The following STIM1 variants were observed in gnomAD, a reference collection of about 807,000 sequenced individuals.
STIM1 encodes stromal interaction molecule 1.
STIM1 carries 25 observed loss-of-function variants against 74.7 expected under a neutral mutation model. That is an observed-to-expected ratio of 0.33 (90% CI 0.24 to 0.47). The LOEUF is 0.47. Ranked by LOEUF, STIM1 falls within the 20% of genes least tolerant of loss-of-function variation. The probability of loss-of-function intolerance (pLI) is 1.00; values close to 1 mark genes in which losing one functional copy is unlikely to be tolerated. For missense variants in STIM1, 728 were observed against 920.8 expected (o/e 0.79, Z 2.71); for synonymous variants, 328 against 348.8 (o/e 0.94, Z 0.66).
chr11:4,062,759 G>A (rs2094339838), intron 5 of STIM1, among the ~76,000 whole-genome samples: 2 of 152,092 alleles, frequency 1.3e-5, no homozygotes, highest in African/African-American at 4.8e-5. Context: ...CTACAATGAG[G>A]TAACACTTTT....
chr11:3,889,696 G>A (rs138773058), intron 1 of STIM1, among the ~76,000 whole-genome samples: 2 of 152,214 alleles, frequency 1.3e-5, no homozygotes, highest in Non-Finnish European at 2.9e-5. Flanking sequence ...GTATCTAGGC[G>A]CTTTTTTGAG....
intron 5 of STIM1, among the ~76,000 whole-genome samples, chr11:4,062,388 G>A (rs2094337110): frequency 6.6e-6 from 1 of 152,214 alleles, no homozygotes. Context: ...GGGAGGCTGA[G>A]GTGGGCAGAT....
chr11:4,014,151 A>T (rs2135972375), intron 2 of STIM1, among the ~76,000 whole-genome samples: 1 of 152,006 alleles, frequency 6.6e-6, no homozygotes, highest in Middle Eastern at 3.4e-3. Flanking sequence ...TAGGGTGTCG[A>T]TTTTAGATCT....
intron 2 of STIM1, among the ~76,000 whole-genome samples, chr11:3,992,081 GTTTTTTTGTTTTTTTT>G (rs1272459637): frequency 1.1e-5 from 1 of 91,990 alleles, no homozygotes; most frequent in East Asian, 3.2e-4. Context: ...GCCAACATCT[GTTTTTTTGTTTTTTTT>G]TTTTTTTTTT....
rs920883663 is a variant in STIM1 at position 4,082,348 on chromosome 11, G to T, written c.1134G>T (p.Glu378Asp). ...NAEKQLLVAK[E>D]GAEKIKKKRN... is the part of the protein sequence containing the mutation. ...AGAAGCAGCTGCTGGTGGCCAAGGAGGGGGTGAGAACAGCCCTTCTATTGT... is the reference window on the plus strand; with the variant it reads ...AGAAGCAGCTGCTGGTGGCCAAGGATGGGGTGAGAACAGCCCTTCTATTGT... Residue 378 changes from glutamate (E) to aspartate (D), a missense_variant, in exon 8 of 13, where the codon GAG becomes GAT. Glu to Asp is a conservative substitution (Grantham distance 45). Around this residue, in one of 5 missense-constraint regions of STIM1, gnomAD observed 131 missense variants for 235.9 expected, o/e 0.56. Transcript: ENST00000526596. The T allele has an allele frequency of 3.1e-6, 5 of 1,610,908 alleles. No homozygotes were observed. The highest frequency in any genetic ancestry group is 4.2e-6 in the Non-Finnish European group (5 of 1,179,044).
intron 5 of STIM1, among the ~76,000 whole-genome samples, chr11:4,063,076 C>T (rs1337981490): frequency 6.6e-6 from 1 of 151,872 alleles, no homozygotes; most frequent in Admixed American, 6.6e-5. Context: ...TCCATAGAGA[C>T]AGAAAATAGA....
At chr11:3,924,391 G>C (rs1311029207) in intron 1 of STIM1, among the ~76,000 whole-genome samples, 3 of 151,662 alleles carry the variant, frequency 2.0e-5, no homozygotes, top group African/African-American at 7.3e-5. Context: ...GCAGAGGCGG[G>C]GTTTCACCAT....
At chr11:3,948,392 A>G (rs1322396477) in intron 1 of STIM1, among the ~76,000 whole-genome samples, 1 of 152,088 alleles carries the variant, frequency 6.6e-6, no homozygotes, top group Non-Finnish European at 1.5e-5. Flanking sequence ...AAATTAAGGG[A>G]TGAGGAGAAC....
chr11:3,867,957 C>G (rs2090926376), intron 1 of STIM1: 1 of 152,198 alleles, frequency 6.6e-6, no homozygotes, highest in Non-Finnish European at 1.5e-5. Context: ...TCTGGGTTAT[C>G]TCAGGCCTCT....
chr11:4,007,675 C>T lies in STIM1; in HGVS notation c.271-16198C>T, dbSNP rs533193390. ...ACTTTCCTGTCCTTATCTCACTCTC[C>T]TTCCAATAATAATCTCAATTAATAT... On this transcript the variant is annotated intron_variant, in intron 2 of 12. Coordinates refer to ENST00000526596, the MANE Select transcript of STIM1 (RefSeq NM_001382567.1). Among the ~76,000 whole-genome samples the T allele has an allele frequency of 4.6e-5, 7 of 152,296 alleles. No homozygotes were observed. The South Asian group carries it at 1.4e-3, about 32-fold the overall frequency.
chr11:3,963,722 T>A (rs2093312856), intron 1 of STIM1, among the ~76,000 whole-genome samples: 1 of 152,218 alleles, frequency 6.6e-6, no homozygotes, highest in African/African-American at 2.4e-5. Context: ...GAGATCACAG[T>A]CTGGTGGGGA....
At chr11:3,861,962 T>A (rs948793701) in intron 1 of STIM1, among the ~76,000 whole-genome samples, 9 of 152,136 alleles carry the variant, frequency 5.9e-5, no homozygotes, top group African/African-American at 1.7e-4. Context: ...AGTGGCTTTG[T>A]GGGCATGCTG....
chr11:4,069,166 A>G (rs1474350953), intron 5 of STIM1, among the ~76,000 whole-genome samples: 1 of 152,210 alleles, frequency 6.6e-6, no homozygotes, highest in East Asian at 1.9e-4. Context: ...CAGATCTGGT[A>G]TACCAGGAAC....
rs1268602370 is a variant in STIM1 at position 3,895,737 on chromosome 11, TTTCTTTCTTCCTTCCTTCCTTCCTTC to T, written c.139+39329_139+39354del. Among the ~76,000 whole-genome samples, 18 of 29,964 alleles carry T rather than the reference TTTCTTTCTTCCTTCCTTCCTTCCTTC, an allele frequency of 6.0e-4. 1 individual carries two copies. The highest frequency in any genetic ancestry group is 7.9e-4 in the East Asian group (1 of 1,266). 19.7% of individuals were successfully genotyped at this position (29,964 alleles called of 152,430 possible). A position where few individuals can be genotyped will look rare whatever the true frequency, so the allele number is the denominator to read the frequency against. ...TTCTTTCTTTCTTTCTTTCTTTCTTTTTCTTTCTTCCTTCCTTCCTTCCTTCCTTCCTTCCTTCCTTCCTTCCTTCC... is the reference window on the plus strand; with the variant it reads ...TTCTTTCTTTCTTTCTTTCTTTCTTTCTTCCTTCCTTCCTTCCTTCCTTCC... On this transcript the variant is annotated intron_variant, in intron 1 of 12. Coordinates refer to ENST00000526596, the MANE Select transcript of STIM1 (RefSeq NM_001382567.1).
chr11:3,904,944 G>A (rs2092439607), intron 1 of STIM1, among the ~76,000 whole-genome samples: 1 of 152,078 alleles, frequency 6.6e-6, no homozygotes, highest in African/African-American at 2.4e-5. Flanking sequence ...AGAAGTAGAT[G>A]AGATCACCTG....
intron 3 of STIM1, among the ~76,000 whole-genome samples, chr11:4,030,959 A>G (rs1023713173): frequency 2.0e-5 from 3 of 152,158 alleles, no homozygotes; most frequent in Non-Finnish European, 4.4e-5. Flanking sequence ...TACTATTTTT[A>G]AGATTTTGGT....
At chr11:4,015,759 C>G (rs2093890224) in intron 2 of STIM1, among the ~76,000 whole-genome samples, 1 of 152,096 alleles carries the variant, frequency 6.6e-6, no homozygotes, top group Non-Finnish European at 1.5e-5. Flanking sequence ...ACTTTTTTCT[C>G]TCATCTTGTC....
At chr11:3,886,005 G>T (rs1220286136) in intron 1 of STIM1, among the ~76,000 whole-genome samples, 1 of 152,142 alleles carries the variant, frequency 6.6e-6, no homozygotes, top group Non-Finnish European at 1.5e-5. Flanking sequence ...AGGTGTTGAG[G>T]ATATAGCATT....
chr11:4,083,076 T>A lies in STIM1; in HGVS notation c.1238+94T>A, dbSNP rs936837925. On this transcript the variant is annotated intron_variant, in intron 9 of 12. Coordinates refer to ENST00000526596, the MANE Select transcript of STIM1 (RefSeq NM_001382567.1). The stretch of plus-strand genomic sequence containing the variant: ...CTCCAACACCAATTCCATTTCCTCA[T>A]TGGTGGAGGGACAGCTCTGGTCTCC... 4.8e-6 allele frequency: 6 copies of A among 1,254,706 alleles called. No individual in the cohort carries two copies. In the East Asian group the frequency reaches 1.4e-4, roughly 30 times the overall value. The allele number at this position is 1,254,706 out of a possible 1,614,324, so 77.7% of individuals were successfully genotyped here.
Sources: allele counts gnomAD v4.1 joint callset (sites outside exome capture counted in the v4.1 genomes callset), GRCh38; gene constraint gnomAD v4.1.1; regional missense constraint gnomAD v4.1.1; transcripts MANE v1.5; gene names NCBI Gene and HGNC (gene_info 2026-07-23, HGNC 2026-07-21).